Variants in FAM107A observed in about 807,000 individuals in gnomAD.
FAM107A encodes the protein actin-associated protein FAM107A.
FAM107A carries 19 observed loss-of-function variants against 13.7 expected under a neutral mutation model. That is an observed-to-expected ratio of 1.38 (90% CI 0.97 to 2.03). FAM107A has a LOEUF of 2.03. Among genes scored for constraint, FAM107A ranks in the 30% most tolerant of loss-of-function variants. The pLI is 0.00. For synonymous variants in FAM107A, 82 were observed against 74.5 expected, an observed-to-expected ratio of 1.10 and a Z score of -0.52; for missense variants, 203 against 184.4, an observed-to-expected ratio of 1.10 and a Z score of -0.58.
chr3:58,626,483 T>G (rs2066018938), intron 1 of FAM107A, among the ~76,000 whole-genome samples: 1 of 152,202 alleles, frequency 6.6e-6, no homozygotes, highest in Admixed American at 6.5e-5. Context: ...CATTTAATTT[T>G]CACAATGATT....
rs753965797 is a variant in FAM107A, at chr3:58,565,476, G to T, written c.*1112C>A. The T allele has an allele frequency of 8.4e-6, 1 of 119,722 alleles. No individual in the cohort carries two copies. The highest frequency in any genetic ancestry group is 3.1e-5 in the African/African-American group (1 of 32,230). The allele number at this position is 119,722 out of a possible 1,614,324, so 7.4% of individuals were successfully genotyped here. ...TTTTTTTTTTGGCTAGAATTGCATC[G>T]TAACAGTGTGGTCACACTGGTAAGA... is the stretch of plus-strand genomic sequence containing the variant. On this transcript the variant is annotated 3_prime_UTR_variant, in exon 4 of 4. Transcript: ENST00000360997.
At position 58,569,793 on chromosome 3, in the gene FAM107A, T is replaced by C. The variant is rs1170726473; in HGVS notation, c.68A>G (p.Glu23Gly). ...GGGCTTGATGAGCTCCGGATTCCAC[T>C]CTCTGTATTCTGGCCGGGCCATCAG... ...GGLMARPEYREWNPELIKPKK... is the reference protein window; with the variant it reads ...GGLMARPEYRGWNPELIKPKK... The change falls in exon 2 of 4, where the codon GAG (glutamate) becomes GGG (glycine). Residue 23 changes from glutamate (E) to glycine (G), a missense_variant. Glu to Gly is a moderately conservative substitution (Grantham distance 98). Transcript: ENST00000360997. This position sits in a 1 kb window ranked among gnomAD's most constrained non-coding sequence, Gnocchi z 5.7. The C allele has an allele frequency of 6.2e-7, 1 of 1,614,068 alleles. No homozygotes were observed. Among genetic ancestry groups the C allele is most frequent in the Non-Finnish European group, 8.5e-7 (1 of 1,179,990 alleles).
At chr3:58,590,769 C>A (rs1165987654), upstream of FAM107A, among the ~76,000 whole-genome samples, 1 of 152,206 alleles carries the variant, frequency 6.6e-6, no homozygotes, top group Non-Finnish European at 1.5e-5. Flanking sequence ...CACTAGGTCC[C>A]TCCCTTGACA....
intron 1 of FAM107A, chr3:58,627,186 C>T: frequency 1.7e-6 from 1 of 601,824 alleles, no homozygotes; most frequent in Non-Finnish European, 2.9e-6. Flanking sequence ...CTCAGACAGG[C>T]TTAGGGCGAT....
rs148167916 is a variant in FAM107A at position 58,565,514 on chromosome 3, C to G, written c.*1074G>C. 1 of 127,878 alleles carries G rather than the reference C, an allele frequency of 7.8e-6. No individual in the cohort carries two copies. The highest frequency in any genetic ancestry group is 1.6e-5 in the Non-Finnish European group (1 of 64,292). The allele number at this position is 127,878 out of a possible 1,614,324, so 7.9% of individuals were successfully genotyped here. A position where few individuals can be genotyped will look rare whatever the true frequency, so the allele number is the denominator to read the frequency against. ...CACACTGGTAAGAAATGCAGATTGG[C>G]AATCATGTACATCTCTGATTAAAAC... On this transcript the variant is annotated 3_prime_UTR_variant, in exon 4 of 4. Transcript: ENST00000360997.
chr3:58,589,537 A>G (rs958553906), upstream of FAM107A, among the ~76,000 whole-genome samples: 1 of 152,170 alleles, frequency 6.6e-6, no homozygotes, highest in African/African-American at 2.4e-5. Flanking sequence ...TTTTAGATTT[A>G]GGGAAAAGTT....
upstream of FAM107A, among the ~76,000 whole-genome samples, chr3:58,588,870 G>T (rs1490311326): frequency 6.6e-6 from 1 of 152,166 alleles, no homozygotes; most frequent in African/African-American, 2.4e-5. Context: ...TGTTGGTCTC[G>T]AACTCCTGAC....
Position 58,569,591 on chromosome 3 carries a change from C to G in FAM107A, c.170+100G>C, listed in dbSNP as rs375921711. 9.7e-7 allele frequency: 1 copy of G among 1,031,682 alleles called. No homozygotes were observed. Among genetic ancestry groups the G allele is most frequent in the Non-Finnish European group, 1.4e-6 (1 of 706,996 alleles). The allele number at this position is 1,031,682 out of a possible 1,614,324, so 63.9% of individuals were successfully genotyped here. A position where few individuals can be genotyped will look rare whatever the true frequency, so the allele number is the denominator to read the frequency against. On this transcript the variant is annotated intron_variant, in intron 2 of 3. Coordinates refer to ENST00000360997, the MANE Select transcript of FAM107A (RefSeq NM_001076778.3). This position sits in a 1 kb window ranked among gnomAD's most constrained non-coding sequence, Gnocchi z 5.7. ...CAGCCTTCCTCAGTCTCCAGGAGCCCCAGGATGAAAGCCAGCTCTGCTTTC... is the reference window on the plus strand; with the variant it reads ...CAGCCTTCCTCAGTCTCCAGGAGCCGCAGGATGAAAGCCAGCTCTGCTTTC...
Position 58,569,603 on chromosome 3 carries a change from C to A in FAM107A, c.170+88G>T, listed in dbSNP as rs970137591. On this transcript the variant is annotated intron_variant, in intron 2 of 3. Coordinates refer to ENST00000360997, the MANE Select transcript of FAM107A (RefSeq NM_001076778.3). This position sits in a 1 kb window ranked among gnomAD's most constrained non-coding sequence, Gnocchi z 5.7. ...GTCTCCAGGAGCCCCAGGATGAAAG[C>A]CAGCTCTGCTTTCCTCCAGGGTCAC... 3.4e-6 allele frequency: 4 copies of A among 1,169,580 alleles called. No homozygotes were observed. The African/African-American group carries it at 4.6e-5, about 14-fold the overall frequency. The allele number at this position is 1,169,580 out of a possible 1,614,324, so 72.5% of individuals were successfully genotyped here.
chr3:58,584,171 C>T (rs907014749), intron 1 of FAM107A, among the ~76,000 whole-genome samples: 20 of 152,094 alleles, frequency 1.3e-4, no homozygotes, highest in Non-Finnish European at 7.4e-5. Context: ...GCTTCACTCT[C>T]GATGAGTTGT....
chr3:58,626,014 T>C (rs1017191019), intron 1 of FAM107A, among the ~76,000 whole-genome samples: 1 of 152,160 alleles, frequency 6.6e-6, no homozygotes, highest in Non-Finnish European at 1.5e-5. Context: ...ACGAAGCAGG[T>C]ACCAGCCCCC....
At chr3:58,616,632 G>A (rs574557040) in intron 1 of FAM107A, among the ~76,000 whole-genome samples, 11 of 151,172 alleles carry the variant, frequency 7.3e-5, no homozygotes, top group South Asian at 2.1e-4. Context: ...AGAACACCAC[G>A]GATTGCAGGC....
intron 1 of FAM107A, among the ~76,000 whole-genome samples, chr3:58,574,647 T>G (rs113942338): frequency 4.6e-5 from 7 of 152,362 alleles, no homozygotes; most frequent in African/African-American, 1.4e-4. Context: ...GCGACAGCTA[T>G]TGAGTGTCTT....
chr3:58,612,850 C>T (rs1203862975), intron 1 of FAM107A, among the ~76,000 whole-genome samples: 1 of 152,064 alleles, frequency 6.6e-6, no homozygotes, highest in East Asian at 1.9e-4. Context: ...CATCACCGCC[C>T]CCTTGCCTGT....
chr3:58,566,989 C>T, intron 3 of FAM107A: 2 of 624,908 alleles, frequency 3.2e-6, no homozygotes, highest in Non-Finnish European at 5.7e-6. Flanking sequence ...GCATGCAGTA[C>T]ACTGGGCCAG....
chr3:58,604,703 G>A lies in FAM107A; in HGVS notation c.-69-15434C>T, dbSNP rs1166158250. ...ACACGGAGATAAGCAGCTGGCATTT[G>A]TTGGGCATCTACTATGTGCTAAACA... On this transcript the variant is annotated intron_variant, in intron 1 of 3. Coordinates refer to the FAM107A transcript ENST00000465970. The surrounding 1 kb of genome is among the most constrained non-coding windows in gnomAD (Gnocchi z 4.1). Among the ~76,000 whole-genome samples the A allele has an allele frequency of 6.6e-6, 1 of 152,188 alleles. No individual in the cohort carries two copies. The highest frequency in any genetic ancestry group is 1.5e-5 in the Non-Finnish European group (1 of 68,028).
At chr3:58,596,984 C>T (rs188356692) in intron 1 of FAM107A, among the ~76,000 whole-genome samples, 158 of 152,194 alleles carry the variant, frequency 1.0e-3, no homozygotes, top group Non-Finnish European at 2.0e-3. Flanking sequence ...TTTACTCAGC[C>T]GTGTGTTTGA....
chr3:58,569,263 C>T lies in FAM107A; in HGVS notation c.170+428G>A, dbSNP rs978380069. Among the ~76,000 whole-genome samples, 4 of 152,188 alleles carry T rather than the reference C, an allele frequency of 2.6e-5. No individual in the cohort carries two copies. The highest frequency in any genetic ancestry group is 9.7e-5 in the African/African-American group (4 of 41,446). ...CGCTCCTGTGAAGTCATTTTAGACC[C>T]CTCTCGGGTTCCTCCTCTGGGGTCT... On this transcript the variant is annotated intron_variant, in intron 2 of 3. Transcript: ENST00000360997. The surrounding 1 kb of genome is among the most constrained non-coding windows in gnomAD (Gnocchi z 5.7).
chr3:58,610,389 G>A (rs1378043378), intron 1 of FAM107A, among the ~76,000 whole-genome samples: 3 of 152,182 alleles, frequency 2.0e-5, no homozygotes, highest in African/African-American at 7.2e-5. Flanking sequence ...CGAAGGCCCT[G>A]CCCCTGAGAA....
Sources: gnomAD v4.1 joint callset for allele counts (sites outside exome capture counted in the v4.1 genomes callset) on GRCh38, gnomAD v4.1.1 for gene constraint, Gnocchi (gnomAD v3.1) non-coding constraint, MANE v1.5 for transcripts, NCBI Gene and HGNC (gene_info 2026-07-23, HGNC 2026-07-21) for gene names.